The following SERTM1 variants were observed in gnomAD, a reference collection of about 807,000 sequenced individuals.
SERTM1 encodes serine-rich and transmembrane domain-containing protein 1.
SERTM1 carries 1 observed loss-of-function variant against 5.5 expected under a neutral mutation model. The observed-to-expected ratio is 0.18, with a 90% confidence interval of 0.06 to 0.86. SERTM1 has a LOEUF of 0.86. SERTM1 is among the 40% of genes least tolerant of loss of function. SERTM1 has a pLI of 0.69. For synonymous variants in SERTM1, 52 were observed against 55.1 expected (o/e 0.94, Z 0.25); for missense variants, 91 against 122.4 (o/e 0.74, Z 1.21).
intron 1 of SERTM1, among the ~76,000 whole-genome samples, chr13:36,683,606 A>G (rs649372): frequency 0.12 from 17,927 of 152,224 alleles, 1,250 homozygotes; most frequent in Non-Finnish European, 0.16. Flanking sequence ...TGGTCACTCA[A>G]GGATGCAGAC....
rs17801201 is a variant in SERTM1, at chr13:36,695,974, T to C, written c.*572T>C. On this transcript the variant is annotated 3_prime_UTR_variant, in exon 2 of 2. Coordinates refer to ENST00000315190, the MANE Select transcript of SERTM1 (RefSeq NM_203451.3). ...CTTTAACAAGTAAAAATCACACTTA[T>C]TGATGAATGTAAGTCATTTGGGAAA... 1,459 of 167,338 alleles carry C rather than the reference T, an allele frequency of 8.7e-3. 10 individuals carry two copies. The highest frequency in any genetic ancestry group is 0.015 in the Non-Finnish European group (1,017 of 68,232). The allele number at this position is 167,338 out of a possible 1,614,324, so 10.4% of individuals were successfully genotyped here.
chr13:36,691,585 T>A (rs2056778848), intron 1 of SERTM1, among the ~76,000 whole-genome samples: 1 of 152,184 alleles, frequency 6.6e-6, no homozygotes, highest in South Asian at 2.1e-4. Context: ...ACTGTCTCAT[T>A]TTCCTTTCTC....
At chr13:36,689,323 T>A (rs1050186162) in intron 1 of SERTM1, among the ~76,000 whole-genome samples, 2 of 151,856 alleles carry the variant, frequency 1.3e-5, no homozygotes, top group Non-Finnish European at 1.5e-5. Flanking sequence ...CTGGCCAACA[T>A]GACGAAACCC....
At chr13:36,680,902 T>A (rs969528720) in intron 1 of SERTM1, among the ~76,000 whole-genome samples, 1 of 152,192 alleles carries the variant, frequency 6.6e-6, no homozygotes, top group African/African-American at 2.4e-5. Flanking sequence ...AGAGGGACTA[T>A]AAAGGAAAAC....
At chr13:36,694,346 G>C (rs1202647749) in intron 1 of SERTM1, among the ~76,000 whole-genome samples, 1 of 152,112 alleles carries the variant, frequency 6.6e-6, no homozygotes, top group African/African-American at 2.4e-5. Context: ...GTAAAACAAA[G>C]TACCTAGGTA....
rs2056812023 is a variant in SERTM1, at chr13:36,696,084, A to G, written c.*682A>G. ...ATGTATTTCTGCCTCCTGGAGTTTT[A>G]TTTTGTTTTTCTGCTTATGTTTTAG... On this transcript the variant is annotated 3_prime_UTR_variant, in exon 2 of 2. Transcript: ENST00000315190. The G allele has an allele frequency of 6.0e-6, 1 of 166,762 alleles. No homozygotes were observed. The highest frequency in any genetic ancestry group is 1.5e-5 in the Non-Finnish European group (1 of 68,068). The allele number at this position is 166,762 out of a possible 1,614,324, so 10.3% of individuals were successfully genotyped here.
chr13:36,695,452 C>T lies in SERTM1; in HGVS notation c.*50C>T, dbSNP rs376924386. On this transcript the variant is annotated 3_prime_UTR_variant, in exon 2 of 2. Coordinates refer to ENST00000315190, the MANE Select transcript of SERTM1 (RefSeq NM_203451.3). ...TGGCAGCAGTTTTGACATCCCCTTACGGAAGTGTCCCGTGAGGCATTGCCT... is the reference window on the plus strand; with the variant it reads ...TGGCAGCAGTTTTGACATCCCCTTATGGAAGTGTCCCGTGAGGCATTGCCT... 234 of 1,381,914 alleles carry T rather than the reference C, an allele frequency of 1.7e-4. No homozygotes were observed. Among genetic ancestry groups the T allele is most frequent in the Middle Eastern group, 5.5e-4 (3 of 5,478 alleles). 85.6% of individuals were successfully genotyped at this position (1,381,914 alleles called of 1,614,324 possible). A position where few individuals can be genotyped will look rare whatever the true frequency, so the allele number is the denominator to read the frequency against.
At chr13:36,689,540 A>C (rs1278423496) in intron 1 of SERTM1, among the ~76,000 whole-genome samples, 1 of 148,212 alleles carries the variant, frequency 6.7e-6, no homozygotes, top group Non-Finnish European at 1.5e-5. Context: ...TAATAATAAT[A>C]ATAATAGTTT....
intron 1 of SERTM1, among the ~76,000 whole-genome samples, chr13:36,687,372 A>G (rs1207649783): frequency 6.6e-6 from 1 of 152,172 alleles, no homozygotes; most frequent in East Asian, 1.9e-4. Context: ...GTCAATAGAG[A>G]TAGATATAAA....
intron 1 of SERTM1, among the ~76,000 whole-genome samples, chr13:36,683,672 A>T (rs649730): frequency 1.3e-5 from 2 of 151,994 alleles, no homozygotes; most frequent in African/African-American, 4.8e-5. Flanking sequence ...CAGAGGGAAG[A>T]GGTGTGGCAA....
At chr13:36,680,735 G>T (rs1459573255) in intron 1 of SERTM1, among the ~76,000 whole-genome samples, 2 of 152,054 alleles carry the variant, frequency 1.3e-5, no homozygotes, top group East Asian at 3.9e-4. Context: ...TTACTTTGTT[G>T]TTGTTGTTGT....
chr13:36,683,130 C>T (rs1184647693), intron 1 of SERTM1, among the ~76,000 whole-genome samples: 1 of 152,160 alleles, frequency 6.6e-6, no homozygotes, highest in Non-Finnish European at 1.5e-5. Flanking sequence ...TGCCTCTCAC[C>T]TGTTCCCATT....
chr13:36,695,648 C>T lies in SERTM1; in HGVS notation c.*246C>T. 3.6e-6 allele frequency: 2 copies of T among 551,342 alleles called. No homozygotes were observed. Among genetic ancestry groups the T allele is most frequent in the Middle Eastern group, 4.9e-4 (1 of 2,022 alleles). The allele number at this position is 551,342 out of a possible 1,614,324, so 34.2% of individuals were successfully genotyped here. On this transcript the variant is annotated 3_prime_UTR_variant, in exon 2 of 2. Coordinates refer to ENST00000315190, the MANE Select transcript of SERTM1 (RefSeq NM_203451.3). ...ACACAAATGGCTTGATGAATCTAGACTGGGCTTCTTCAGGTAAGTCAGTTC... is the reference window on the plus strand; with the variant it reads ...ACACAAATGGCTTGATGAATCTAGATTGGGCTTCTTCAGGTAAGTCAGTTC...
At chr13:36,681,684 G>A (rs745653318) in intron 1 of SERTM1, among the ~76,000 whole-genome samples, 2 of 152,152 alleles carry the variant, frequency 1.3e-5, no homozygotes, top group Non-Finnish European at 1.5e-5. Context: ...AAGGATTTGT[G>A]ATTTTCAAAG....
At chr13:36,688,679 T>C (rs1223509544) in intron 1 of SERTM1, among the ~76,000 whole-genome samples, 1 of 152,232 alleles carries the variant, frequency 6.6e-6, no homozygotes, top group African/African-American at 2.4e-5. Context: ...GGGGAAAGAA[T>C]TGATCCCAAA....
At chr13:36,685,895 C>T (rs1288067901) in intron 1 of SERTM1, among the ~76,000 whole-genome samples, 1 of 152,120 alleles carries the variant, frequency 6.6e-6, no homozygotes, top group Non-Finnish European at 1.5e-5. Flanking sequence ...ACCACGCTGG[C>T]TCTTGTGGGT....
Position 36,695,549 on chromosome 13 carries a change from A to G in SERTM1, c.*147A>G, listed in dbSNP as rs2056808048. The G allele has an allele frequency of 6.0e-6, 4 of 663,086 alleles. No homozygotes were observed. The highest frequency in any genetic ancestry group is 3.3e-4 in the Middle Eastern group (1 of 3,052). 41.1% of individuals were successfully genotyped at this position (663,086 alleles called of 1,614,324 possible). A position where few individuals can be genotyped will look rare whatever the true frequency, so the allele number is the denominator to read the frequency against. On this transcript the variant is annotated 3_prime_UTR_variant, in exon 2 of 2. Coordinates refer to ENST00000315190, the MANE Select transcript of SERTM1 (RefSeq NM_203451.3). The stretch of plus-strand genomic sequence containing the variant: ...TTTTTCTCTGATTTCTTTTCTGTTC[A>G]TGATGCTTTTCATTTGGGGATGGAG...
intron 1 of SERTM1, among the ~76,000 whole-genome samples, chr13:36,674,816 C>T (rs1344366818): frequency 6.6e-6 from 1 of 152,096 alleles, no homozygotes; most frequent in African/African-American, 2.4e-5. Context: ...TTTTATGTGG[C>T]GCTGAACACT....
chr13:36,685,208 C>T (rs1426505402), intron 1 of SERTM1, among the ~76,000 whole-genome samples: 1 of 152,188 alleles, frequency 6.6e-6, no homozygotes, highest in East Asian at 1.9e-4. Flanking sequence ...CTTTTGAGTT[C>T]GCTGTGCCGC....
Sources: allele counts gnomAD v4.1 joint callset (sites outside exome capture counted in the v4.1 genomes callset), GRCh38; gene constraint gnomAD v4.1.1; transcripts MANE v1.5; gene names NCBI Gene and HGNC (gene_info 2026-07-23, HGNC 2026-07-21).